The following CFDP1 variants were observed in gnomAD, a reference collection of about 807,000 sequenced individuals.
CFDP1 encodes the protein heterochromatin-stabilizing protein CFDP1.
CFDP1 carries 31 observed loss-of-function variants against 40.1 expected under a neutral mutation model. That is an observed-to-expected ratio of 0.77 (90% CI 0.58 to 1.04). The LOEUF is 1.04. Ranked by LOEUF, CFDP1 falls within the 50% of genes least tolerant of loss-of-function variation. CFDP1 has a pLI of 0.00. For missense variants in CFDP1, 423 were observed against 343.4 expected (o/e 1.23, Z -1.83); for synonymous variants, 167 against 120.0 (o/e 1.39, Z -2.56).
intron 5 of CFDP1, among the ~76,000 whole-genome samples, chr16:75,320,973 A>G (rs1233951117): frequency 1.3e-5 from 2 of 152,100 alleles, no homozygotes; most frequent in Non-Finnish European, 2.9e-5. Flanking sequence ...TCTTATTCTC[A>G]GCTAGTATTT....
Position 75,317,104 on chromosome 16 carries a change from G to A in CFDP1, c.651-11922C>T, listed in dbSNP as rs367906216. 1.2e-4 allele frequency among the ~76,000 whole-genome samples: 19 copies of A among 152,374 alleles called. 3 individuals carry two copies. Among genetic ancestry groups the A allele is most frequent in the Admixed American group, 5.9e-4 (9 of 15,308 alleles). ...GTCCTAGATTGGACAGGCAAGTGGCGAGGGCAGAGGCCTCTCTGGCCAACA... is the reference window on the plus strand; with the variant it reads ...GTCCTAGATTGGACAGGCAAGTGGCAAGGGCAGAGGCCTCTCTGGCCAACA... On this transcript the variant is annotated intron_variant, in intron 5 of 6. Coordinates refer to ENST00000283882, the MANE Select transcript of CFDP1 (RefSeq NM_006324.3).
At chr16:75,338,303 G>A (rs2078503844) in intron 5 of CFDP1, among the ~76,000 whole-genome samples, 1 of 152,196 alleles carries the variant, frequency 6.6e-6, no homozygotes, top group Non-Finnish European at 1.5e-5. Context: ...GGACCACTGG[G>A]CCATTTCAGA....
intron 5 of CFDP1, among the ~76,000 whole-genome samples, chr16:75,336,732 G>A (rs1447923418): frequency 3.9e-5 from 6 of 152,218 alleles, no homozygotes; most frequent in Non-Finnish European, 2.9e-5. Context: ...CTGCTGGACT[G>A]CCAATGGCAA....
chr16:75,376,284 A>G (rs888828391), intron 5 of CFDP1, among the ~76,000 whole-genome samples: 1 of 152,210 alleles, frequency 6.6e-6, no homozygotes, highest in Non-Finnish European at 1.5e-5. Context: ...TTCCATTCCT[A>G]GGTATTTAGG....
chr16:75,365,076 G>C (rs181594029), intron 5 of CFDP1, among the ~76,000 whole-genome samples: 20 of 152,274 alleles, frequency 1.3e-4, no homozygotes, highest in African/African-American at 4.8e-4. Context: ...ATGGTGACTG[G>C]CTAGTTGTTT....
intron 5 of CFDP1, among the ~76,000 whole-genome samples, chr16:75,367,561 G>A (rs2078723615): frequency 6.6e-6 from 1 of 152,028 alleles, no homozygotes; most frequent in Non-Finnish European, 1.5e-5. Context: ...GGGAGGTCGA[G>A]GTGGGCAGAT....
rs528767781 is a variant in CFDP1 at position 75,401,470 on chromosome 16, G to A, written c.531-6261C>T. Among the ~76,000 whole-genome samples the A allele has an allele frequency of 1.3e-3, 192 of 150,906 alleles. 1 individual carries two copies. The highest frequency in any genetic ancestry group is 3.6e-3 in the Admixed American group (55 of 15,078). On this transcript the variant is annotated intron_variant, in intron 4 of 6. Transcript: ENST00000283882. ...AAAAAATTAGCTGGGCGTGGTAGCAGGTGCCTGTAATCCCAGCTGCTTGGG... is the reference window on the plus strand; with the variant it reads ...AAAAAATTAGCTGGGCGTGGTAGCAAGTGCCTGTAATCCCAGCTGCTTGGG...
intron 5 of CFDP1, among the ~76,000 whole-genome samples, chr16:75,359,849 C>T (rs2078670691): frequency 6.6e-6 from 1 of 152,210 alleles, no homozygotes; most frequent in Non-Finnish European, 1.5e-5. Flanking sequence ...TAAGTAACAT[C>T]TACAGTTTTC....
At chr16:75,338,596 T>A (rs756173406) in intron 5 of CFDP1, among the ~76,000 whole-genome samples, 1 of 152,228 alleles carries the variant, frequency 6.6e-6, no homozygotes, top group African/African-American at 2.4e-5. Flanking sequence ...GTTGAGAGCG[T>A]GCAGCTGCTC....
chr16:75,416,442 T>A (rs2079206273), intron 1 of CFDP1, among the ~76,000 whole-genome samples: 1 of 138,866 alleles, frequency 7.2e-6, no homozygotes. Flanking sequence ...TCGTAAAAAC[T>A]AAAACAATGA....
intron 4 of CFDP1, chr16:75,409,566 T>C (rs1033643642): frequency 6.6e-6 from 1 of 152,234 alleles, no homozygotes; most frequent in African/African-American, 2.4e-5. Context: ...AAATTTTAAG[T>C]TGGGGTCCTT....
rs549759135 is a variant in CFDP1 at position 75,373,032 on chromosome 16, T to C, written c.650+22058A>G. Among the ~76,000 whole-genome samples the C allele has an allele frequency of 6.6e-5, 10 of 152,316 alleles. No individual in the cohort carries two copies. The South Asian group carries it at 1.2e-3, about 19-fold the overall frequency. On this transcript the variant is annotated intron_variant, in intron 5 of 6. Transcript: ENST00000283882. ...AGCAGATCATACACTTGATTCCTGA[T>C]GCAGGAACTGAAACAACTCTGGCCC...
At chr16:75,380,647 T>C (rs1256650729) in intron 5 of CFDP1, among the ~76,000 whole-genome samples, 1 of 152,172 alleles carries the variant, frequency 6.6e-6, no homozygotes, top group Non-Finnish European at 1.5e-5. Flanking sequence ...AAAGGTCTCT[T>C]TTAAGAACCG....
chr16:75,374,017 C>T (rs2078773035), intron 5 of CFDP1, among the ~76,000 whole-genome samples: 1 of 152,000 alleles, frequency 6.6e-6, no homozygotes, highest in South Asian at 2.1e-4. Context: ...CTTTGGGAGG[C>T]CAAACCAGGT....
chr16:75,411,997 C>G (rs1290645956), intron 3 of CFDP1, 45 bp from the exon 4 acceptor site: 7 of 1,553,796 alleles, frequency 4.5e-6, no homozygotes, highest in Non-Finnish European at 6.1e-6. Flanking sequence ...AAAGATGAAC[C>G]ATATTGTTTA....
chr16:75,428,515 G>A (rs1386360574), intron 1 of CFDP1, among the ~76,000 whole-genome samples: 1 of 152,090 alleles, frequency 6.6e-6, no homozygotes, highest in Non-Finnish European at 1.5e-5. Flanking sequence ...TACTCGAGAG[G>A]CTGAGGCAGG....
intron 1 of CFDP1, among the ~76,000 whole-genome samples, chr16:75,432,117 G>T (rs2079427202): frequency 6.6e-6 from 1 of 151,120 alleles, no homozygotes. Flanking sequence ...TTACCATGTT[G>T]TCCAGGATGG....
At chr16:75,353,439 G>A (rs2078626113) in intron 5 of CFDP1, among the ~76,000 whole-genome samples, 1 of 152,130 alleles carries the variant, frequency 6.6e-6, no homozygotes, top group African/African-American at 2.4e-5. Flanking sequence ...ATATGTGGGA[G>A]TTAGGTAGGA....
intron 5 of CFDP1, among the ~76,000 whole-genome samples, chr16:75,365,351 G>C (rs1361653507): frequency 6.6e-6 from 1 of 152,140 alleles, no homozygotes. Context: ...TTGCCTATTT[G>C]AAGGCACTGG....
Sources: gnomAD v4.1 joint callset for allele counts (sites outside exome capture counted in the v4.1 genomes callset) on GRCh38, gnomAD v4.1.1 for gene constraint, MANE v1.5 for transcripts, NCBI Gene and HGNC (gene_info 2026-07-23, HGNC 2026-07-21) for gene names.